Variants in MCF2L2 observed in about 807,000 individuals in gnomAD.
The protein encoded by MCF2L2 is MCF.2 cell line derived transforming sequence-like 2.
MCF2L2 carries 102 observed loss-of-function variants against 150.2 expected under a neutral mutation model. The observed-to-expected ratio is 0.68, with a 90% CI of 0.58 to 0.80. The LOEUF (loss-of-function observed/expected upper bound fraction) is 0.80. Ranked by LOEUF, MCF2L2 falls within the 30% of genes least tolerant of loss-of-function variation. The probability of loss-of-function intolerance (pLI) is 0.00; values close to 1 mark genes in which losing one functional copy is unlikely to be tolerated. For synonymous variants in MCF2L2, 465 were observed against 491.3 expected, an observed-to-expected ratio of 0.95 and a Z score of 0.71; for missense variants, 1,256 against 1,372.8, an observed-to-expected ratio of 0.91 and a Z score of 1.34.
chr3:183,269,947 A>T, intron 15 of MCF2L2: 1 of 1,614,184 alleles, frequency 6.2e-7, no homozygotes, highest in Non-Finnish European at 8.5e-7. Context: ...TCTTACAGAT[A>T]CCTCATAAAT....
chr3:183,327,425 A>G (rs1730096545), intron 5 of MCF2L2, among the ~76,000 whole-genome samples: 1 of 152,230 alleles, frequency 6.6e-6, no homozygotes, highest in Admixed American at 6.5e-5. Flanking sequence ...CCTGATAACA[A>G]AACTATCACA....
chr3:183,280,830 A>T (rs970411433), intron 14 of MCF2L2, among the ~76,000 whole-genome samples: 1 of 150,314 alleles, frequency 6.7e-6, no homozygotes, highest in African/African-American at 2.5e-5. Flanking sequence ...CCTGGGCAAC[A>T]GAGTGAGTCT....
rs202220746 is a variant in MCF2L2, at chr3:183,230,931, C to G, written c.1929+20G>C. The G allele has an allele frequency of 2.5e-6, 4 of 1,585,110 alleles. No individual in the cohort carries two copies. The East Asian group carries it at 8.9e-5, about 35-fold the overall frequency. On this transcript the variant is annotated intron_variant, in intron 16 of 29. Transcript: ENST00000328913. Reference sequence around the variant, plus strand: ...CAGTTTGAATATATGCTTGATACCCCACTCCCCAAATCTACTTACATCAAT... The same window carrying G: ...CAGTTTGAATATATGCTTGATACCCGACTCCCCAAATCTACTTACATCAAT...
At chr3:183,363,579 A>G (rs1712341936) in intron 3 of MCF2L2, among the ~76,000 whole-genome samples, 1 of 152,122 alleles carries the variant, frequency 6.6e-6, no homozygotes. Flanking sequence ...CCCCAACTCT[A>G]CAAAAAAATA....
At chr3:183,269,844 A>T (rs1165652106) in intron 15 of MCF2L2, 4 of 1,612,854 alleles carry the variant, frequency 2.5e-6, no homozygotes, top group Non-Finnish European at 3.4e-6. Context: ...ATGGCAGTTA[A>T]TTATTCAGTT....
intron 22 of MCF2L2, among the ~76,000 whole-genome samples, chr3:183,209,844 G>C (rs1722628277): frequency 6.6e-6 from 1 of 151,900 alleles, no homozygotes; most frequent in African/African-American, 2.4e-5. Context: ...ATGTGTATAA[G>C]GTGTCATGAA....
chr3:183,292,821 A>C (rs1479563854), intron 13 of MCF2L2, among the ~76,000 whole-genome samples: 2 of 152,188 alleles, frequency 1.3e-5, no homozygotes, highest in East Asian at 3.8e-4. Context: ...CAAGTTAAGG[A>C]TGCATATGGT....
chr3:183,354,380 G>A (rs1007147145), intron 3 of MCF2L2, among the ~76,000 whole-genome samples: 9 of 152,098 alleles, frequency 5.9e-5, no homozygotes, highest in African/African-American at 2.2e-4. Flanking sequence ...AGATTTAACT[G>A]AGAGTCTGGC....
intron 1 of MCF2L2, among the ~76,000 whole-genome samples, chr3:183,415,269 C>A (rs1213584717): frequency 1.3e-5 from 2 of 151,932 alleles, no homozygotes; most frequent in African/African-American, 2.4e-5. Context: ...TCACTGCAAT[C>A]TTTGCCTCCC....
At chr3:183,364,940 T>C (rs984402054) in intron 3 of MCF2L2, among the ~76,000 whole-genome samples, 1 of 152,118 alleles carries the variant, frequency 6.6e-6, no homozygotes, top group African/African-American at 2.4e-5. Context: ...CACATACACA[T>C]AGTCTCAATG....
chr3:183,357,145 A>G (rs984762132), intron 3 of MCF2L2, among the ~76,000 whole-genome samples: 2 of 152,188 alleles, frequency 1.3e-5, no homozygotes, highest in Non-Finnish European at 2.9e-5. Context: ...GCTGAGCAAA[A>G]TCTGAATTGT....
intron 15 of MCF2L2, among the ~76,000 whole-genome samples, chr3:183,260,999 C>T (rs9819105): frequency 0.21 from 31,629 of 152,096 alleles, 8,418 homozygotes; most frequent in African/African-American, 0.62. Context: ...GGTAGAATTT[C>T]TTTTCTTTTT....
At chr3:183,341,120 G>A (rs899193526) in intron 4 of MCF2L2, among the ~76,000 whole-genome samples, 11 of 152,180 alleles carry the variant, frequency 7.2e-5, no homozygotes, top group African/African-American at 2.7e-4. Flanking sequence ...CTCAATGAGG[G>A]GGTTACTGCC....
intron 4 of MCF2L2, among the ~76,000 whole-genome samples, chr3:183,340,172 C>A (rs1474112730): frequency 6.6e-6 from 1 of 152,186 alleles, no homozygotes; most frequent in East Asian, 1.9e-4. Context: ...AAGAACCTTG[C>A]GCTTTGTTGT....
chr3:183,193,283 T>C (rs940366143), intron 26 of MCF2L2, among the ~76,000 whole-genome samples, 187 bp from the exon 27 acceptor site: 1 of 152,140 alleles, frequency 6.6e-6, no homozygotes, highest in African/African-American at 2.4e-5. Context: ...AGTAAGGAAA[T>C]GTCCAAAGGA....
chr3:183,401,939 T>C (rs1381167531), intron 1 of MCF2L2, among the ~76,000 whole-genome samples: 1 of 152,204 alleles, frequency 6.6e-6, no homozygotes, highest in Non-Finnish European at 1.5e-5. Flanking sequence ...CTCAGACAAA[T>C]ATCTAGAAAT....
intron 22 of MCF2L2, among the ~76,000 whole-genome samples, chr3:183,208,047 G>A (rs908938401): frequency 5.9e-5 from 9 of 152,220 alleles, no homozygotes; most frequent in African/African-American, 1.9e-4. Flanking sequence ...AGCTATGAAA[G>A]GTAATGCTAT....
At chr3:183,205,056 G>A (rs865932793) in intron 25 of MCF2L2, among the ~76,000 whole-genome samples, 1 of 152,174 alleles carries the variant, frequency 6.6e-6, no homozygotes, top group Non-Finnish European at 1.5e-5. Context: ...TATTTTGGAA[G>A]TATAATTAGA....
Position 183,179,312 on chromosome 3 carries a change from C to T in MCF2L2, c.*68G>A, listed in dbSNP as rs531985902. The T allele has an allele frequency of 7.2e-5, 99 of 1,381,186 alleles. No individual in the cohort carries two copies. The highest frequency in any genetic ancestry group is 8.6e-5 in the Non-Finnish European group (92 of 1,072,468). The allele number at this position is 1,381,186 out of a possible 1,614,324, so 85.6% of individuals were successfully genotyped here. On this transcript the variant is annotated 3_prime_UTR_variant, in exon 30 of 30. Transcript: ENST00000328913. This position sits in a 1 kb window ranked among gnomAD's most constrained non-coding sequence, Gnocchi z 4.2. Reference sequence around the variant, plus strand: ...TCTGCGTAGCTGGGCAGGGCCCGGGCCCCCACACCGCCTCTCCCGGGAATG... The same window carrying T: ...TCTGCGTAGCTGGGCAGGGCCCGGGTCCCCACACCGCCTCTCCCGGGAATG...
Sources: allele counts gnomAD v4.1 joint callset (sites outside exome capture counted in the v4.1 genomes callset), GRCh38; gene constraint gnomAD v4.1.1; non-coding constraint Gnocchi (gnomAD v3.1); transcripts MANE v1.5; gene names NCBI Gene and HGNC (gene_info 2026-07-23, HGNC 2026-07-21).